SSBP2: variants seen among roughly 807,000 people sequenced by gnomAD.
The protein encoded by SSBP2 is single stranded DNA binding protein 2.
A neutral mutation model predicts 61.8 loss-of-function variants in SSBP2; 17 were observed. The ratio of observed to expected loss-of-function variants is 0.28; its 90% CI spans 0.19 to 0.41. The LOEUF (loss-of-function observed/expected upper bound fraction) is 0.41. Ranked by LOEUF, SSBP2 falls within the 10% of genes least tolerant of loss-of-function variation. SSBP2 has a pLI of 1.00. For synonymous variants in SSBP2, 139 were observed against 141.3 expected (o/e 0.98, Z 0.12); for missense variants, 310 against 458.7 (o/e 0.68, Z 2.96).
intron 1 of SSBP2, among the ~76,000 whole-genome samples, chr5:81,680,356 A>G (rs1752296498): frequency 6.8e-6 from 1 of 148,124 alleles, no homozygotes; most frequent in Non-Finnish European, 1.5e-5. Context: ...AACTTATAAT[A>G]TAATCTATAT....
At chr5:81,448,554 T>C (rs1763556457) in intron 11 of SSBP2, among the ~76,000 whole-genome samples, 1 of 152,140 alleles carries the variant, frequency 6.6e-6, no homozygotes, top group Non-Finnish European at 1.5e-5. Context: ...ATTGTACTGG[T>C]TTTCAGAAAC....
chr5:81,671,453 A>G (rs1190470892), intron 1 of SSBP2, among the ~76,000 whole-genome samples: 2 of 152,138 alleles, frequency 1.3e-5, no homozygotes, highest in South Asian at 4.1e-4. Flanking sequence ...TATAAGACCC[A>G]CTAATTCAGA....
chr5:81,750,736 C>G, intron 1 of SSBP2: 1 of 542,852 alleles, frequency 1.8e-6, no homozygotes, highest in Non-Finnish European at 3.2e-6. Context: ...AGCACCACCG[C>G]CGCCCCTCAA....
In SSBP2 at chr5:81,561,085, A is replaced by AC. The variant is rs546278959; in HGVS notation, c.283-47369_283-47368insG. On this transcript the variant is annotated intron_variant, in intron 4 of 16. Transcript: ENST00000320672. ...TCTACAATTAACGTTTTCAGAAATTAGTTTTCTCATTTACTTGAATGAATG... is the reference window on the plus strand; with the variant it reads ...TCTACAATTAACGTTTTCAGAAATTACGTTTTCTCATTTACTTGAATGAATG... 4.1e-3 allele frequency among the ~76,000 whole-genome samples: 619 copies of AC among 152,292 alleles called. 6 individuals carry two copies. Among genetic ancestry groups the AC allele is most frequent in the Non-Finnish European group, 3.2e-3 (215 of 68,010 alleles).
chr5:81,738,550 CTCA>C (rs1756779234), intron 1 of SSBP2, among the ~76,000 whole-genome samples: 1 of 152,188 alleles, frequency 6.6e-6, no homozygotes, highest in Admixed American at 6.5e-5. Flanking sequence ...TCAAACTAAA[CTCA>C]TCATCTTCCT....
chr5:81,501,218 T>TAA lies in SSBP2; in HGVS notation c.373-11910_373-11909insTT, dbSNP rs1767696438. Among the ~76,000 whole-genome samples, 5 of 8,638 alleles carry TAA rather than the reference T, an allele frequency of 5.8e-4. No homozygotes were observed. The African/African-American group carries it at 6.2e-3, about 11-fold the overall frequency. The allele number at this position is 8,638 out of a possible 152,430, so 5.7% of individuals were successfully genotyped here. A position where few individuals can be genotyped will look rare whatever the true frequency, so the allele number is the denominator to read the frequency against. On this transcript the variant is annotated intron_variant, in intron 5 of 16. Coordinates refer to ENST00000320672, the MANE Select transcript of SSBP2 (RefSeq NM_012446.5). ...AGAGGGAGACTCCATCTCAAATATA[T>TAA]ATATATATATATATATATATATATA...
intron 1 of SSBP2, 114 bp downstream of exon 1, chr5:81,750,867 C>CCCCCCCCCCCGCG: frequency 8.2e-7 from 1 of 1,225,896 alleles, no homozygotes; most frequent in Non-Finnish European, 1.2e-6. Flanking sequence ...CCCTGCCAGC[C>CCCCCCCCCCCGCG]CACCCCCGGC....
chr5:81,661,110 C>T (rs557288495), intron 1 of SSBP2, among the ~76,000 whole-genome samples: 4 of 151,970 alleles, frequency 2.6e-5, no homozygotes, highest in Admixed American at 1.3e-4. Flanking sequence ...ACCACAATGG[C>T]GCATGTATAC....
chr5:81,667,286 T>TACAC (rs71605804), intron 1 of SSBP2, among the ~76,000 whole-genome samples: 6,802 of 133,692 alleles, frequency 0.051, 206 homozygotes, highest in African/African-American at 0.098. Flanking sequence ...GGGATACAGA[T>TACAC]ACACACACAC....
intron 12 of SSBP2, among the ~76,000 whole-genome samples, chr5:81,445,188 A>AT (rs1763329322): frequency 8.5e-6 from 1 of 118,290 alleles, no homozygotes; most frequent in Non-Finnish European, 1.8e-5. Flanking sequence ...GTATGTATTT[A>AT]CTGGAAAATG....
At chr5:81,440,273 T>G (rs1398650855) in intron 14 of SSBP2, among the ~76,000 whole-genome samples, 1 of 152,178 alleles carries the variant, frequency 6.6e-6, no homozygotes, top group African/African-American at 2.4e-5. Context: ...GCATGACACG[T>G]GCCCACAGCA....
intron 1 of SSBP2, among the ~76,000 whole-genome samples, chr5:81,684,647 T>G (rs971550082): frequency 3.9e-5 from 6 of 152,066 alleles, no homozygotes; most frequent in Non-Finnish European, 7.4e-5. Flanking sequence ...GTCCTTTTGT[T>G]TTAGCCAATT....
intron 1 of SSBP2, among the ~76,000 whole-genome samples, chr5:81,679,958 A>G (rs1377823536): frequency 2.0e-5 from 1 of 50,642 alleles, no homozygotes; most frequent in Non-Finnish European, 4.2e-5. Context: ...AAAAGGTGGA[A>G]AAAAAAAAAA....
chr5:81,672,150 C>T (rs764213556), intron 1 of SSBP2, among the ~76,000 whole-genome samples: 1 of 152,106 alleles, frequency 6.6e-6, no homozygotes, highest in Non-Finnish European at 1.5e-5. Flanking sequence ...TTATATAATG[C>T]TTCCACATAT....
chr5:81,612,705 G>A (rs946656107), intron 4 of SSBP2, among the ~76,000 whole-genome samples: 2 of 152,006 alleles, frequency 1.3e-5, no homozygotes, highest in East Asian at 1.9e-4. Flanking sequence ...CGCTAAAAAC[G>A]CAGCTACTGA....
intron 4 of SSBP2, among the ~76,000 whole-genome samples, chr5:81,551,849 C>T (rs370418626): frequency 9.2e-5 from 14 of 152,038 alleles, no homozygotes; most frequent in East Asian, 3.8e-4. Context: ...ATCTACAAGA[C>T]TATTATTTTA....
chr5:81,627,616 T>C (rs754515172), intron 3 of SSBP2, among the ~76,000 whole-genome samples: 3 of 152,230 alleles, frequency 2.0e-5, no homozygotes, highest in Non-Finnish European at 4.4e-5. Flanking sequence ...GATTGGACTT[T>C]CCACCACCAG....
rs752704042 is a variant in SSBP2, at chr5:81,466,228, TA to T, written c.638+745del. Among the ~76,000 whole-genome samples, 47 of 152,036 alleles carry T rather than the reference TA, an allele frequency of 3.1e-4. 2 individuals are homozygous for T. Among genetic ancestry groups the T allele is most frequent in the South Asian group, 4.1e-4 (2 of 4,822 alleles). ...TGAATTAATGAAAGTCACTAACAAG[TA>T]CCTTGTGTATATAAGACTTGGAGGG... On this transcript the variant is annotated intron_variant, in intron 9 of 16. Coordinates refer to ENST00000320672, the MANE Select transcript of SSBP2 (RefSeq NM_012446.5).
intron 6 of SSBP2, among the ~76,000 whole-genome samples, chr5:81,488,034 T>A (rs1301487389): frequency 1.8e-4 from 3 of 16,876 alleles, no homozygotes; most frequent in African/African-American, 2.5e-3. Flanking sequence ...TATATATATA[T>A]ATATATATAT....
Sources: gnomAD v4.1 joint callset for allele counts (sites outside exome capture counted in the v4.1 genomes callset) on GRCh38, gnomAD v4.1.1 for gene constraint, MANE v1.5 for transcripts, NCBI Gene and HGNC (gene_info 2026-07-23, HGNC 2026-07-21) for gene names.